Variants in NIN observed in about 807,000 individuals in gnomAD.
The protein encoded by NIN is ninein.
A neutral mutation model predicts 257.6 loss-of-function variants in NIN; 137 were observed. That is an observed-to-expected ratio of 0.53 (90% confidence interval 0.46 to 0.61). The LOEUF (loss-of-function observed/expected upper bound fraction) is 0.61. Among genes scored for constraint, NIN ranks in the 20% least tolerant of loss-of-function variants. The pLI is 0.00. For synonymous variants in NIN, 918 were observed against 919.8 expected (o/e 1.00, Z 0.04); for missense variants, 2,439 against 2,501.2 (o/e 0.98, Z 0.53).
chr14:50,816,189 G>A (rs2142351768), intron 3 of NIN, among the ~76,000 whole-genome samples: 1 of 151,990 alleles, frequency 6.6e-6, no homozygotes, highest in Non-Finnish European at 1.5e-5. Flanking sequence ...GGGTGGGTGG[G>A]GAACAGCACA....
rs764830891 is a variant in NIN, at chr14:50,735,518, C to T, written c.5875G>A (p.Glu1959Lys). 9 of 1,613,066 alleles carry T rather than the reference C, an allele frequency of 5.6e-6. No homozygotes were observed. In the Admixed American group the frequency reaches 1.5e-4, roughly 27 times the overall value. Residue 1959 changes from glutamate (E) to lysine (K), a missense_variant and splice_region_variant, in exon 28 of 31, where the codon GAG (glutamate) becomes AAG (lysine). Physicochemically the swap from Glu to Lys is moderately conservative, Grantham distance 56. Transcript: ENST00000530997. The part of the protein sequence containing the change: ...KQVKLDEQLM[E>K]MQHLRSTATP... ...AGGCCATCTGCTGAGAAACTTACCT[C>T]CATGAGCTGCTCATCCAGTTTTACT... is the stretch of plus-strand genomic sequence containing the variant.
At chr14:50,776,847 A>G in intron 7 of NIN, 102 bp downstream of exon 7, 1 of 1,020,242 alleles carries the variant, frequency 9.8e-7, no homozygotes, top group South Asian at 1.7e-5. Flanking sequence ...AAGAAAATGG[A>G]GCCTAACAAG....
intron 4 of NIN, among the ~76,000 whole-genome samples, chr14:50,802,667 T>C (rs774936613): frequency 1.3e-5 from 2 of 152,168 alleles, no homozygotes; most frequent in Non-Finnish European, 2.9e-5. Context: ...CATTTAGATA[T>C]TAGGAGGCAA....
intron 4 of NIN, among the ~76,000 whole-genome samples, chr14:50,801,526 C>G (rs2044103171): frequency 6.6e-6 from 1 of 152,224 alleles, no homozygotes. Context: ...TTTGGGCCAT[C>G]TGTGTGTAAT....
intron 10 of NIN, 26 bp downstream of exon 10, chr14:50,771,306 G>C: frequency 3.7e-6 from 6 of 1,611,410 alleles, no homozygotes; most frequent in Non-Finnish European, 5.1e-6. Flanking sequence ...AGGGAATGGG[G>C]CAGGCGAACC....
rs748105538 is a variant in NIN, at chr14:50,723,438, AAT to A, written c.*23_*24del. 1.3e-6 allele frequency: 2 copies of A among 1,596,610 alleles called. No homozygotes were observed. The highest frequency in any genetic ancestry group is 1.1e-5 in the South Asian group (1 of 90,626). ...TTCATCTATTTCAGTAAAGTGCACAAATATGAGTGTACCCTTTGGTTTGGCTA... is the reference window on the plus strand; with the variant it reads ...TTCATCTATTTCAGTAAAGTGCACAAATGAGTGTACCCTTTGGTTTGGCTA... On this transcript the variant is annotated 3_prime_UTR_variant, in exon 31 of 31. Transcript: ENST00000530997.
intron 3 of NIN, among the ~76,000 whole-genome samples, chr14:50,816,869 T>C (rs1396131038): frequency 6.6e-6 from 1 of 152,118 alleles, no homozygotes; most frequent in East Asian, 1.9e-4. Context: ...AGCTCTCCCC[T>C]CTCGATCCCT....
At position 50,756,981 on chromosome 14, in the gene NIN, G is replaced by C. The variant is rs2042055298; in HGVS notation, c.4049C>G (p.Ala1350Gly). 1 of 1,612,860 alleles carries C rather than the reference G, an allele frequency of 6.2e-7. No individual in the cohort carries two copies. The highest frequency in any genetic ancestry group is 8.5e-7 in the Non-Finnish European group (1 of 1,179,394). ...TTCGATTTCCAGGTTCTCTAAACTG[G>C]CTTCCCATAAGCAGCAGTCACACCG... ...VQRCDCCLWE[A>G]SLENLEIEPD... The change falls in exon 18 of 31, where the codon GCC (alanine) becomes GGC (glycine). Residue 1350 changes from alanine to glycine, a missense_variant. Around this residue, in one of 3 missense-constraint regions of NIN, gnomAD observed 2,043 missense variants for 2,050.2 expected, o/e 1.00. Coordinates refer to ENST00000530997, the MANE Select transcript of NIN (RefSeq NM_020921.4).
intron 7 of NIN, among the ~76,000 whole-genome samples, chr14:50,775,822 G>T (rs1020196841): frequency 3.3e-5 from 5 of 151,908 alleles, no homozygotes; most frequent in African/African-American, 1.2e-4. Context: ...TTACAATTCA[G>T]GAGAATAAAT....
Position 50,752,538 on chromosome 14 carries a change from G to C in NIN, c.4930C>G (p.Leu1644Val), listed in dbSNP as rs2041831949. 1 of 1,613,796 alleles carries C rather than the reference G, an allele frequency of 6.2e-7. No individual in the cohort carries two copies. Among genetic ancestry groups the C allele is most frequent in the Admixed American group, 1.7e-5 (1 of 60,012 alleles). The change falls in exon 21 of 31, where the codon CTG becomes GTG. Residue 1644 changes from leucine (L) to valine (V), a missense_variant. Physicochemically the swap from Leu to Val is conservative, Grantham distance 32. This residue lies in a region of NIN where 2,043 missense variants were observed against 2,050.2 expected (regional missense o/e 1.00). Coordinates refer to ENST00000530997, the MANE Select transcript of NIN (RefSeq NM_020921.4). ...EQEKFNLKEELERCKVQSSTL... is the reference protein window; with the variant it reads ...EQEKFNLKEEVERCKVQSSTL... ...CATACCTGCACTTTACAACGTTCCA[G>C]TTCTTCTTTCAGATTAAACTTCTCT...
chr14:50,803,208 G>C (rs931673110), intron 4 of NIN, among the ~76,000 whole-genome samples: 2 of 152,144 alleles, frequency 1.3e-5, no homozygotes, highest in Non-Finnish European at 2.9e-5. Context: ...AAAAAAATGA[G>C]CCAGGCGTAG....
At chr14:50,782,979 C>T (rs1049636144) in intron 5 of NIN, among the ~76,000 whole-genome samples, 8 of 152,258 alleles carry the variant, frequency 5.3e-5, no homozygotes, top group Non-Finnish European at 7.4e-5. Flanking sequence ...TCGTCAGATA[C>T]GGCACAGCCT....
intron 29 of NIN, 26 bp downstream of exon 29, chr14:50,729,497 C>T (rs778142897): frequency 1.3e-6 from 2 of 1,595,674 alleles, no homozygotes; most frequent in Admixed American, 1.7e-5. Context: ...AACAGGTGAT[C>T]TACTAGAGTA....
intron 3 of NIN, among the ~76,000 whole-genome samples, chr14:50,815,391 C>G (rs2142340714): frequency 6.6e-6 from 1 of 152,290 alleles, no homozygotes; most frequent in Middle Eastern, 3.4e-3. Context: ...CCAGAAACAA[C>G]AGATGCTGGT....
intron 17 of NIN, 150 bp downstream of exon 17, chr14:50,759,707 T>C: frequency 1.3e-6 from 1 of 776,558 alleles, no homozygotes; most frequent in Non-Finnish European, 2.1e-6. Context: ...GTTAGCCAGG[T>C]CTCGATCTCC....
chr14:50,796,906 T>A (rs2043864834), intron 4 of NIN, among the ~76,000 whole-genome samples: 1 of 152,160 alleles, frequency 6.6e-6, no homozygotes, highest in Admixed American at 6.5e-5. Flanking sequence ...GGTCACTGCT[T>A]AAAATGCTCA....
chr14:50,729,563 T>C lies in NIN; in HGVS notation c.6038A>G (p.Glu2013Gly). 3.7e-6 allele frequency: 6 copies of C among 1,613,984 alleles called. No homozygotes were observed. Among genetic ancestry groups the C allele is most frequent in the Non-Finnish European group, 5.1e-6 (6 of 1,179,964 alleles). Residue 2013 changes from glutamate (E) to glycine (G), a missense_variant, in exon 29 of 31, where the codon GAG (glutamate) becomes GGG (glycine). Glu to Gly is a moderately conservative substitution (Grantham distance 98). Transcript: ENST00000530997. Reference sequence around the variant, plus strand: ...TTCGGAGGTCCTGTTTTCAAGTTCCTCCTGCAGGTGCTGGTTTATCCTTTC... The same window carrying C: ...TTCGGAGGTCCTGTTTTCAAGTTCCCCCTGCAGGTGCTGGTTTATCCTTTC... ...QAERINQHLQEELENRTSETN... is the reference protein window; with the variant it reads ...QAERINQHLQGELENRTSETN...
chr14:50,789,475 G>A (rs1414649158), intron 5 of NIN, among the ~76,000 whole-genome samples: 1 of 152,190 alleles, frequency 6.6e-6, no homozygotes, highest in African/African-American at 2.4e-5. Flanking sequence ...GGGAGGCTGA[G>A]GTGGAGAATT....
intron 22 of NIN, among the ~76,000 whole-genome samples, chr14:50,745,463 A>C (rs1167574068): frequency 6.6e-6 from 1 of 151,744 alleles, no homozygotes; most frequent in Non-Finnish European, 1.5e-5. Context: ...ATTTCACTTG[A>C]CTCTTCAATT....
Sources: gnomAD v4.1 joint callset for allele counts (sites outside exome capture counted in the v4.1 genomes callset) on GRCh38, gnomAD v4.1.1 for gene constraint, gnomAD v4.1.1 regional missense constraint, MANE v1.5 for transcripts, NCBI Gene and HGNC (gene_info 2026-07-23, HGNC 2026-07-21) for gene names.